Variants in DIP2C observed in about 807,000 individuals in gnomAD.
DIP2C encodes the protein DIP2 acetate--CoA ligase C (putative).
In DIP2C, 33 loss-of-function variants were observed where a neutral mutation model predicts 192.4. The ratio of observed to expected loss-of-function variants is 0.17; its 90% confidence interval spans 0.13 to 0.23. The LOEUF is 0.23. DIP2C is among the 10% of genes least tolerant of loss of function. DIP2C has a pLI of 1.00. For missense variants in DIP2C, 1,537 were observed against 2,110.1 expected (o/e 0.73, Z 5.32); for synonymous variants, 979 against 864.1 (o/e 1.13, Z -2.33).
intron 2 of DIP2C, among the ~76,000 whole-genome samples, chr10:486,214 C>G (rs1184186759): frequency 6.6e-6 from 1 of 152,224 alleles, no homozygotes; most frequent in African/African-American, 2.4e-5. Context: ...AAGTAACCAA[C>G]CCAATACCGA....
intron 29 of DIP2C, among the ~76,000 whole-genome samples, chr10:336,925 G>GTGTGTT (rs1957808207): frequency 1.0e-4 from 5 of 50,210 alleles, no homozygotes; most frequent in Admixed American, 2.3e-4. Flanking sequence ...TGTGTGTTGT[G>GTGTGTT]GAGGCCTAGA....
intron 5 of DIP2C, among the ~76,000 whole-genome samples, chr10:422,584 C>G (rs192716999): frequency 6.6e-6 from 1 of 152,154 alleles, no homozygotes; most frequent in Non-Finnish European, 1.5e-5. Context: ...AAGATGGGAG[C>G]GGATACGGCT....
chr10:547,503 G>GA (rs2130928227), intron 1 of DIP2C, among the ~76,000 whole-genome samples: 1 of 152,302 alleles, frequency 6.6e-6, no homozygotes, highest in East Asian at 1.9e-4. Flanking sequence ...TACAGAGGAG[G>GA]AAAGCAGGCA....
chr10:334,304 C>CAAAAAAAAAAAAA lies in DIP2C; in HGVS notation c.3585-4716_3585-4704dup, dbSNP rs35031456. On this transcript the variant is annotated intron_variant, in intron 29 of 36. Transcript: ENST00000280886. ...CCCGGGTGACAGAGCAAGACTGTCT[C>CAAAAAAAAAAAAA]AAAAAAAAAAAAAAAAAAAAAGAAA... Among the ~76,000 whole-genome samples, 40 of 82,402 alleles carry CAAAAAAAAAAAAA rather than the reference C, an allele frequency of 4.9e-4. 1 individual carries two copies. Among genetic ancestry groups the CAAAAAAAAAAAAA allele is most frequent in the African/African-American group, 1.8e-3 (35 of 19,428 alleles). 54.1% of individuals were successfully genotyped at this position (82,402 alleles called of 152,430 possible). A position where few individuals can be genotyped will look rare whatever the true frequency, so the allele number is the denominator to read the frequency against.
Position 390,941 on chromosome 10 carries a change from TCA to T in DIP2C, c.1261-80_1261-79del, listed in dbSNP as rs938843209. 26 of 1,571,068 alleles carry T rather than the reference TCA, an allele frequency of 1.7e-5. No homozygotes were observed. In the African/African-American group the frequency reaches 2.2e-4, roughly 13 times the overall value. ...CAGCCTTCGGCCCTCCCTCCAGCGT[TCA>T]CACAGACCCTCGAGTCTGCAGAACC... On this transcript the variant is annotated intron_variant, in intron 10 of 36. Transcript: ENST00000280886.
chr10:437,613 T>C (rs1263417498), intron 4 of DIP2C: 2 of 152,266 alleles, frequency 1.3e-5, no homozygotes, highest in Non-Finnish European at 2.9e-5. Flanking sequence ...AGCCATCTCA[T>C]TCGTTTTGTG....
intron 1 of DIP2C, among the ~76,000 whole-genome samples, chr10:551,742 T>C (rs1298058669): frequency 6.6e-6 from 1 of 152,194 alleles, no homozygotes; most frequent in Non-Finnish European, 1.5e-5. Flanking sequence ...AGGTACAGAA[T>C]TCAGCCAGCT....
In DIP2C at chr10:363,169, A is replaced by G; in HGVS notation, c.2592+28T>C. ...GGAGGCCAGAAACAAGACACAGGGG[A>G]CCAGTGCCCAGGGCGAGGGAGGGCA... On this transcript the variant is annotated intron_variant, in intron 21 of 36. Coordinates refer to ENST00000280886, the MANE Select transcript of DIP2C (RefSeq NM_014974.3). This position sits in a 1 kb window ranked among gnomAD's most constrained non-coding sequence, Gnocchi z 5.4. 1 of 1,589,438 alleles carries G rather than the reference A, an allele frequency of 6.3e-7. No individual in the cohort carries two copies. Among genetic ancestry groups the G allele is most frequent in the South Asian group, 1.1e-5 (1 of 90,112 alleles).
In DIP2C at chr10:659,396, A is replaced by C. The variant is rs1588705634; in HGVS notation, c.85+30098T>G. Among the ~76,000 whole-genome samples, 4 of 152,346 alleles carry C rather than the reference A, an allele frequency of 2.6e-5. No homozygotes were observed. The South Asian group carries it at 8.3e-4, about 32-fold the overall frequency. On this transcript the variant is annotated intron_variant, in intron 1 of 36. Coordinates refer to ENST00000280886, the MANE Select transcript of DIP2C (RefSeq NM_014974.3). The stretch of plus-strand genomic sequence containing the variant: ...CACATAAATGCAAACACACATACAT[A>C]TATACACCCCTCAAAGACCCCATTA...
intron 1 of DIP2C, among the ~76,000 whole-genome samples, chr10:660,089 CCCAGT>C (rs1277853066): frequency 6.6e-6 from 1 of 152,254 alleles, no homozygotes; most frequent in Non-Finnish European, 1.5e-5. Flanking sequence ...GGTCGCTCAG[CCCAGT>C]TCAGCTCTGT....
At chr10:367,520 G>A (rs1331820246) in intron 18 of DIP2C, among the ~76,000 whole-genome samples, 1 of 152,170 alleles carries the variant, frequency 6.6e-6, no homozygotes, top group Admixed American at 6.5e-5. Flanking sequence ...AAGGAGTGGA[G>A]AAAGAAGTGC....
chr10:434,073 C>G (rs570638908), intron 4 of DIP2C, among the ~76,000 whole-genome samples: 9 of 152,236 alleles, frequency 5.9e-5, no homozygotes, highest in African/African-American at 2.2e-4. Context: ...TGCAAGCACA[C>G]TATAAAAACA....
intron 1 of DIP2C, among the ~76,000 whole-genome samples, chr10:647,981 T>C (rs111339370): frequency 0.037 from 5,645 of 150,824 alleles, 333 homozygotes; most frequent in African/African-American, 0.13. Flanking sequence ...ACATCCACAT[T>C]GGACGGTGGG....
chr10:328,615 G>T (rs1463282736), intron 30 of DIP2C, among the ~76,000 whole-genome samples: 2 of 151,944 alleles, frequency 1.3e-5, no homozygotes, highest in African/African-American at 4.8e-5. Context: ...TAAAATGATT[G>T]CACAATTACT....
chr10:529,681 C>T (rs1847258390), intron 1 of DIP2C, among the ~76,000 whole-genome samples: 2 of 152,232 alleles, frequency 1.3e-5, no homozygotes, highest in Admixed American at 1.3e-4. Flanking sequence ...GAGCCAGCCA[C>T]ATGGGCTGGA....
At chr10:494,865 C>A (rs1396725332) in intron 1 of DIP2C, among the ~76,000 whole-genome samples, 1 of 152,194 alleles carries the variant, frequency 6.6e-6, no homozygotes, top group Non-Finnish European at 1.5e-5. Context: ...CTCTATGATC[C>A]AGCAATCCCA....
At chr10:510,960 TAA>T (rs903593186) in intron 1 of DIP2C, among the ~76,000 whole-genome samples, 5 of 152,198 alleles carry the variant, frequency 3.3e-5, no homozygotes, top group African/African-American at 1.2e-4. Context: ...TTTATCTCAT[TAA>T]AACCTATTTT....
At chr10:547,923 C>G (rs1042100660) in intron 1 of DIP2C, among the ~76,000 whole-genome samples, 1 of 152,150 alleles carries the variant, frequency 6.6e-6, no homozygotes, top group African/African-American at 2.4e-5. Flanking sequence ...CTTGGGTCAC[C>G]CTTATCTCTC....
intron 1 of DIP2C, among the ~76,000 whole-genome samples, chr10:581,006 A>G (rs549106640): frequency 2.6e-5 from 4 of 152,360 alleles, no homozygotes; most frequent in East Asian, 3.9e-4. Context: ...TTTGACTCAC[A>G]GTATTCTGGC....
Sources: gnomAD v4.1 joint callset for allele counts (sites outside exome capture counted in the v4.1 genomes callset) on GRCh38, gnomAD v4.1.1 for gene constraint, Gnocchi (gnomAD v3.1) non-coding constraint, MANE v1.5 for transcripts, NCBI Gene and HGNC (gene_info 2026-07-23, HGNC 2026-07-21) for gene names.